Variants in NUP210 observed in about 807,000 individuals in gnomAD.
The protein encoded by NUP210 is nucleoporin 210.
In NUP210, 151 loss-of-function variants were observed where a neutral mutation model predicts 196.0. The ratio of observed to expected loss-of-function variants is 0.77; its 90% CI spans 0.67 to 0.88. NUP210 has a LOEUF of 0.88. Ranked by LOEUF, NUP210 falls within the 40% of genes least tolerant of loss-of-function variation. The pLI, the probability that NUP210 is intolerant of heterozygous loss-of-function variation, is 0.00. For synonymous variants in NUP210, 1,070 were observed against 1,052.7 expected, an observed-to-expected ratio of 1.02 and a Z score of -0.32; for missense variants, 2,314 against 2,493.7, an observed-to-expected ratio of 0.93 and a Z score of 1.53.
intron 36 of NUP210, 63 bp downstream of exon 36, chr3:13,321,522 C>T (rs1696526217): frequency 1.9e-6 from 3 of 1,556,924 alleles, no homozygotes; most frequent in Admixed American, 3.6e-5. Flanking sequence ...ATTCCCTCTT[C>T]CTCCAGGGCC....
At chr3:13,371,244 A>G (rs975444241) in intron 13 of NUP210, among the ~76,000 whole-genome samples, 2 of 152,154 alleles carry the variant, frequency 1.3e-5, no homozygotes, top group African/African-American at 4.8e-5. Context: ...GCCATGTGTG[A>G]CCTTAGGCAG....
At chr3:13,344,192 T>C (rs1421675310) in intron 20 of NUP210, among the ~76,000 whole-genome samples, 1 of 152,228 alleles carries the variant, frequency 6.6e-6, no homozygotes, top group African/African-American at 2.4e-5. Context: ...TACCCACTTT[T>C]AGGGATTCTA....
intron 13 of NUP210, among the ~76,000 whole-genome samples, chr3:13,369,519 GTTTTC>G (rs1333233694): frequency 6.6e-6 from 1 of 152,032 alleles, no homozygotes; most frequent in African/African-American, 2.4e-5. Context: ...CTTTCCTCCA[GTTTTC>G]TTTTAGAAGT....
Position 13,388,344 on chromosome 3 carries a change from T to G in NUP210, c.643A>C (p.Ser215Arg). The G allele has an allele frequency of 6.2e-7, 1 of 1,612,846 alleles. No homozygotes were observed. Among genetic ancestry groups the G allele is most frequent in the Non-Finnish European group, 8.5e-7 (1 of 1,179,548 alleles). The change falls in exon 5 of 40, where the codon AGC (serine) becomes CGC (arginine). Residue 215 changes from serine (S) to arginine (R), a missense_variant. Ser to Arg is a moderately radical substitution (Grantham distance 110). Coordinates refer to ENST00000254508, the MANE Select transcript of NUP210 (RefSeq NM_024923.4). ...TGGATGCGAGCCTTGAGCTTGGAGCTCCCGGTCTTCATCCCAGACACCAGG... is the reference window on the plus strand; with the variant it reads ...TGGATGCGAGCCTTGAGCTTGGAGCGCCCGGTCTTCATCCCAGACACCAGG... ...TILVSGMKTG[S>R]SKLKARIQEA...
Position 13,327,211 on chromosome 3 carries a change from T to C in NUP210, c.4507+6A>G, listed in dbSNP as rs759943294. The C allele has an allele frequency of 5.6e-6, 9 of 1,611,218 alleles. No homozygotes were observed. In the African/African-American group the frequency reaches 1.1e-4, roughly 19 times the overall value. ...CACAGGTTCCCTTGCTCAGGATCTATCTTACCTTCCAGGCTGGTCAGAACA... is the reference window on the plus strand; with the variant it reads ...CACAGGTTCCCTTGCTCAGGATCTACCTTACCTTCCAGGCTGGTCAGAACA... On this transcript the variant is annotated splice_donor_region_variant and intron_variant, in intron 32 of 39. Coordinates refer to ENST00000254508, the MANE Select transcript of NUP210 (RefSeq NM_024923.4).
At position 13,379,124 on chromosome 3, in the gene NUP210, G is replaced by A. The variant is rs6442378; in HGVS notation, c.977-144C>T. 0.53 allele frequency: 374,383 copies of A among 709,484 alleles called. 102,627 individuals are homozygous for A. The highest frequency in any genetic ancestry group is 0.77 in the African/African-American group (44,320 of 57,440). 43.9% of individuals were successfully genotyped at this position (709,484 alleles called of 1,614,324 possible). A position where few individuals can be genotyped will look rare whatever the true frequency, so the allele number is the denominator to read the frequency against. On this transcript the variant is annotated intron_variant, in intron 7 of 39. Coordinates refer to ENST00000254508, the MANE Select transcript of NUP210 (RefSeq NM_024923.4). This position sits in a 1 kb window ranked among gnomAD's most constrained non-coding sequence, Gnocchi z 4.2. ...TGAAAACTCCCCTGGCTTAGGCCAC[G>A]TAGAGCAAAGGCACTTTTCAGAATC...
chr3:13,376,347 C>G lies in NUP210; in HGVS notation c.1237G>C (p.Ala413Pro). 3 of 1,614,210 alleles carry G rather than the reference C, an allele frequency of 1.9e-6. No homozygotes were observed. Among genetic ancestry groups the G allele is most frequent in the Non-Finnish European group, 2.5e-6 (3 of 1,180,020 alleles). ...SQNGSYHRIRALKRGQTAIDA... is the reference protein window; with the variant it reads ...SQNGSYHRIRPLKRGQTAIDA... ...ATGGCCGTCTGTCCCCTCTTTAGTG[C>G]CCTGATGCGATGGTATGACCCATTC... The change falls in exon 10 of 40, where the codon GCA becomes CCA. Residue 413 changes from alanine (A) to proline (P), a missense_variant. Coordinates refer to ENST00000254508, the MANE Select transcript of NUP210 (RefSeq NM_024923.4).
At chr3:13,360,920 C>T (rs888239473) in intron 14 of NUP210, among the ~76,000 whole-genome samples, 11 of 152,256 alleles carry the variant, frequency 7.2e-5, no homozygotes, top group African/African-American at 2.7e-4. Flanking sequence ...TACAATCCAG[C>T]ACAAGGGGCT....
rs1352944173 is a variant in NUP210 at position 13,320,020 on chromosome 3, G to A, written c.5167-41C>T. On this transcript the variant is annotated intron_variant, in intron 36 of 39. Coordinates refer to ENST00000254508, the MANE Select transcript of NUP210 (RefSeq NM_024923.4). The stretch of plus-strand genomic sequence containing the variant: ...GAGCTGGGGGTGCACATTCTGCAGA[G>A]TGGGGGGACCACTGAGCGGGGCCTC... 3 of 1,582,864 alleles carry A rather than the reference G, an allele frequency of 1.9e-6. No homozygotes were observed. In the South Asian group the frequency reaches 3.3e-5, roughly 18 times the overall value.
Position 13,360,272 on chromosome 3 carries a change from G to A in NUP210, c.2152C>T (p.Gln718Ter). ...ILVTCQALGE[Q>*]VIALSVGNKP... The stretch of plus-strand genomic sequence containing the variant: ...GTCTGGAGCAGCTGCCCACTCACCT[G>A]CTCACCCAAGGCCTGACAGGTCACA... Residue 718 changes from glutamine (Q) to a stop codon, truncating the protein, a stop_gained and splice_region_variant, in exon 15 of 40, where the codon CAG becomes TAG. Coordinates refer to ENST00000254508, the MANE Select transcript of NUP210 (RefSeq NM_024923.4). LOFTEE classifies it high-confidence loss of function. The A allele has an allele frequency of 6.2e-7, 1 of 1,613,770 alleles. No individual in the cohort carries two copies. Among genetic ancestry groups the A allele is most frequent in the Admixed American group, 1.7e-5 (1 of 60,028 alleles).
chr3:13,326,819 G>GC (rs1191259486), intron 32 of NUP210, among the ~76,000 whole-genome samples: 1 of 152,254 alleles, frequency 6.6e-6, no homozygotes, highest in Non-Finnish European at 1.5e-5. Context: ...GAGACAGGAT[G>GC]CCCCACAGGG....
intron 30 of NUP210, among the ~76,000 whole-genome samples, chr3:13,329,844 AGT>A (rs1248704630): frequency 6.6e-6 from 1 of 152,228 alleles, no homozygotes; most frequent in Non-Finnish European, 1.5e-5. Context: ...GGCAGAGGGC[AGT>A]GCCATGATAT....
In NUP210 at chr3:13,325,935, G is replaced by A; in HGVS notation, c.4508-4C>T. On this transcript the variant is annotated splice_region_variant and splice_polypyrimidine_tract_variant and intron_variant, in intron 32 of 39. Transcript: ENST00000254508. ...GAGCTCCAGGTTCCTGAGAGGCCTGGAGAGGAAGCACAGGTGTCAGCCCCC... is the reference window on the plus strand; with the variant it reads ...GAGCTCCAGGTTCCTGAGAGGCCTGAAGAGGAAGCACAGGTGTCAGCCCCC... 1 of 1,613,796 alleles carries A rather than the reference G, an allele frequency of 6.2e-7. No homozygotes were observed. Among genetic ancestry groups the A allele is most frequent in the Non-Finnish European group, 8.5e-7 (1 of 1,179,976 alleles).
intron 20 of NUP210, chr3:13,345,020 C>T (rs938047454): frequency 2.0e-6 from 2 of 985,342 alleles, no homozygotes; most frequent in African/African-American, 3.5e-5. Flanking sequence ...GTGCACTTGG[C>T]CTTCCCCTCC....
At chr3:13,331,279 C>G (rs1162346241) in intron 29 of NUP210, among the ~76,000 whole-genome samples, 3 of 152,134 alleles carry the variant, frequency 2.0e-5, no homozygotes, top group African/African-American at 7.2e-5. Flanking sequence ...ATCTGTTACC[C>G]TTTTACATAT....
chr3:13,349,489 C>T lies in NUP210; in HGVS notation c.2835+2390G>A, dbSNP rs566439881. Among the ~76,000 whole-genome samples, 382 of 152,318 alleles carry T rather than the reference C, an allele frequency of 2.5e-3. 5 individuals are homozygous for T. Among genetic ancestry groups the T allele is most frequent in the African/African-American group, 6.5e-3 (269 of 41,578 alleles). The stretch of plus-strand genomic sequence containing the variant: ...AGAATACTGGGGCCCGGCTGCCCTT[C>T]CCTGGCTCATGGGGTGGGGTTCCCT... On this transcript the variant is annotated intron_variant, in intron 20 of 39. Coordinates refer to ENST00000254508, the MANE Select transcript of NUP210 (RefSeq NM_024923.4).
chr3:13,320,613 A>C (rs1328809134), intron 36 of NUP210, among the ~76,000 whole-genome samples: 5 of 140,738 alleles, frequency 3.6e-5, no homozygotes, highest in Admixed American at 2.3e-4. Flanking sequence ...AACCTGGGCG[A>C]CAGAGCGAGA....
chr3:13,403,385 GC>G (rs1248489275), intron 1 of NUP210, among the ~76,000 whole-genome samples: 1 of 152,176 alleles, frequency 6.6e-6, no homozygotes, highest in Non-Finnish European at 1.5e-5. Context: ...GCTCTCTGGG[GC>G]CTTTTGTATA....
intron 3 of NUP210, among the ~76,000 whole-genome samples, chr3:13,393,053 C>A (rs1391994521): frequency 6.6e-6 from 1 of 152,240 alleles, no homozygotes; most frequent in Non-Finnish European, 1.5e-5. Context: ...ACTCCCTTAA[C>A]ACAAATACAT....
Sources: gnomAD v4.1 joint callset for allele counts (sites outside exome capture counted in the v4.1 genomes callset) on GRCh38, gnomAD v4.1.1 for gene constraint, Gnocchi (gnomAD v3.1) non-coding constraint, MANE v1.5 for transcripts, NCBI Gene and HGNC (gene_info 2026-07-23, HGNC 2026-07-21) for gene names.